Variants in DMD observed in about 807,000 individuals in gnomAD.
DMD encodes mutant dystrophin.
DMD carries 63 observed loss-of-function variants against 330.1 expected under a neutral mutation model. The ratio of observed to expected loss-of-function variants is 0.19; its 90% CI spans 0.16 to 0.24. DMD has a LOEUF of 0.24. DMD is among the 10% of genes least tolerant of loss of function. The pLI is 1.00. For missense variants in DMD, 3,344 were observed against 2,684.1 expected (o/e 1.25, Z -5.43); for synonymous variants, 1,223 against 959.8 (o/e 1.27, Z -5.07).
intron 9 of DMD, among the ~76,000 whole-genome samples, chrX:32,648,820 C>A (rs1199769896): frequency 9.0e-6 from 1 of 111,547 alleles, no homozygotes; most frequent in Non-Finnish European, 1.9e-5. Context: ...TTTATCATCA[C>A]AGAATTTTAC....
chrX:33,269,132 G>A (rs2053106095), intron 1 of DMD, among the ~76,000 whole-genome samples: 1 of 110,846 alleles, frequency 9.0e-6, no homozygotes, highest in Non-Finnish European at 1.9e-5. Flanking sequence ...AAAGACACAT[G>A]CACTGGTATG....
At chrX:32,089,553 T>C (rs1350414568) in intron 44 of DMD, among the ~76,000 whole-genome samples, 5 of 111,665 alleles carry the variant, frequency 4.5e-5, no homozygotes, top group African/African-American at 1.6e-4. Context: ...GTTTTCTGTT[T>C]CCATATAAGT....
chrX:31,305,163 G>A (rs1338835726), intron 62 of DMD, among the ~76,000 whole-genome samples: 1 of 111,219 alleles, frequency 9.0e-6, no homozygotes, highest in Admixed American at 9.6e-5. Context: ...TATATTTATG[G>A]GATACGATGT....
intron 49 of DMD, among the ~76,000 whole-genome samples, chrX:31,833,806 C>T (rs5927879): frequency 0.41 from 44,885 of 109,737 alleles, 6,840 homozygotes; most frequent in East Asian, 0.67. Flanking sequence ...AACAGAATTG[C>T]TCCCTGATGT....
At chrX:31,916,161 A>T (rs2094606259) in intron 47 of DMD, among the ~76,000 whole-genome samples, 1 of 112,021 alleles carries the variant, frequency 8.9e-6, no homozygotes, top group African/African-American at 3.2e-5. Flanking sequence ...AGCTGCGCTT[A>T]TGCTAGATAA....
intron 60 of DMD, among the ~76,000 whole-genome samples, chrX:31,362,209 T>C (rs768836199): frequency 1.4e-4 from 16 of 112,238 alleles, no homozygotes; most frequent in Non-Finnish European, 2.6e-4. Flanking sequence ...GTATCGCTAT[T>C]GTTCCTACTT....
intron 37 of DMD, among the ~76,000 whole-genome samples, chrX:32,351,962 A>C (rs1217829169): frequency 1.8e-5 from 2 of 110,891 alleles, no homozygotes; most frequent in Non-Finnish European, 3.8e-5. Context: ...GTAGGGTCTA[A>C]ATTTTCCAAT....
chrX:33,250,117 G>T (rs185378651), intron 1 of DMD, among the ~76,000 whole-genome samples: 3,978 of 77,904 alleles, frequency 0.051, 87 homozygotes, highest in Non-Finnish European at 0.064. Flanking sequence ...ATATATCAAT[G>T]TACACTTGTA....
At chrX:32,091,751 ATAT>A (rs776588011) in intron 44 of DMD, among the ~76,000 whole-genome samples, 1 of 111,908 alleles carries the variant, frequency 8.9e-6, no homozygotes, top group African/African-American at 3.2e-5. Context: ...ATTTTTAAAA[ATAT>A]TATTCACATA....
chrX:33,030,777 T>C (rs2094096100), intron 1 of DMD, among the ~76,000 whole-genome samples: 1 of 111,574 alleles, frequency 9.0e-6, no homozygotes, highest in Admixed American at 9.6e-5. Context: ...AATTCTCCCC[T>C]GAAAATTTAA....
chrX:31,975,477 C>T (rs1310578127), intron 44 of DMD, among the ~76,000 whole-genome samples: 1 of 111,688 alleles, frequency 9.0e-6, no homozygotes, highest in East Asian at 2.8e-4. Flanking sequence ...TCTCCATTTA[C>T]TTAGATTTGC....
In DMD at chrX:32,245,900, G is replaced by A. The variant is rs202145388; in HGVS notation, c.6291-28837C>T. Among the ~76,000 whole-genome samples the A allele has an allele frequency of 9.3e-3, 932 of 100,152 alleles. 17 individuals carry two copies. The highest frequency in any genetic ancestry group is 0.077 in the East Asian group (239 of 3,116). The allele number at this position is 100,152 out of a possible 115,157, so 87.0% of individuals were successfully genotyped here. ...GGTTTTCTAGATAAACAATCATGTC[G>A]TCTGCAAACAGGGACAATTTGACTT... On this transcript the variant is annotated intron_variant, in intron 43 of 78. Coordinates refer to ENST00000357033, the MANE Select transcript of DMD (RefSeq NM_004006.3).
intron 4 of DMD, among the ~76,000 whole-genome samples, chrX:32,830,455 A>G (rs2079065491): frequency 9.0e-6 from 1 of 111,554 alleles, no homozygotes; most frequent in Non-Finnish European, 1.9e-5. Flanking sequence ...TTAATATGAC[A>G]TGTATGTTAA....
intron 2 of DMD, among the ~76,000 whole-genome samples, chrX:32,895,358 C>G (rs2085608818): frequency 8.9e-6 from 1 of 112,478 alleles, no homozygotes; most frequent in African/African-American, 3.2e-5. Flanking sequence ...AGATTAAGAA[C>G]TGAACTGAGC....
chrX:32,195,004 G>C (rs1454157044), intron 44 of DMD, among the ~76,000 whole-genome samples: 3 of 111,390 alleles, frequency 2.7e-5, no homozygotes, highest in Middle Eastern at 9.3e-3. Flanking sequence ...GTAAGAGAAT[G>C]TGACCTAATC....
At chrX:32,538,848 G>C (rs1201262694) in intron 17 of DMD, among the ~76,000 whole-genome samples, 5 of 110,816 alleles carry the variant, frequency 4.5e-5, no homozygotes, top group Non-Finnish European at 5.7e-5. Flanking sequence ...AAATTTTATG[G>C]TGTATAAGTA....
chrX:31,889,641 TCTCTCTCACACACACACACACA>T (rs1191359542), intron 47 of DMD, among the ~76,000 whole-genome samples: 1 of 68,724 alleles, frequency 1.5e-5, no homozygotes, highest in Non-Finnish European at 2.6e-5. Flanking sequence ...TCTCTCTCTC[TCTCTCTCACACACACACACACA>T]CACACACACA....
chrX:32,169,645 G>A (rs2096880312), intron 44 of DMD, among the ~76,000 whole-genome samples: 2 of 111,570 alleles, frequency 1.8e-5, no homozygotes, highest in African/African-American at 6.5e-5. Flanking sequence ...AGAAGTAAAA[G>A]TTTTAACAAT....
intron 48 of DMD, among the ~76,000 whole-genome samples, chrX:31,859,137 G>A (rs2093660481): frequency 1.8e-5 from 2 of 111,261 alleles, no homozygotes; most frequent in Admixed American, 1.9e-4. Flanking sequence ...CTGTTCCAGA[G>A]AGCAGAGGGT....
Sources: allele counts gnomAD v4.1 joint callset (sites outside exome capture counted in the v4.1 genomes callset), GRCh38; gene constraint gnomAD v4.1.1; transcripts MANE v1.5; gene names NCBI Gene and HGNC (gene_info 2026-07-23, HGNC 2026-07-21).